Variants in RTKN observed in about 807,000 individuals in gnomAD.
RTKN encodes rhotekin.
RTKN carries 49 observed loss-of-function variants against 63.5 expected under a neutral mutation model. The observed-to-expected ratio is 0.77, with a 90% CI of 0.61 to 0.98. RTKN has a LOEUF of 0.98. Among genes scored for constraint, RTKN ranks in the 50% least tolerant of loss-of-function variants. The probability of loss-of-function intolerance (pLI) is 0.00; values close to 1 mark genes in which losing one functional copy is unlikely to be tolerated. For synonymous variants in RTKN, 295 were observed against 290.4 expected (o/e 1.02, Z -0.16); for missense variants, 685 against 740.8 (o/e 0.92, Z 0.87).
At chr2:74,439,655 A>G (rs368090853) in intron 1 of RTKN, 2 of 1,613,020 alleles carry the variant, frequency 1.2e-6, no homozygotes, top group Middle Eastern at 1.6e-4. Context: ...TCCCTTGTCA[A>G]CCCCTCCAGA....
chr2:74,426,507 C>T lies in RTKN; in HGVS notation c.1428G>A (p.Leu476=), dbSNP rs1174806621. ...DILTQREGAR[L]ETPPPWLAMF... The stretch of plus-strand genomic sequence containing the variant: ...TTGCCAGCCAGGGTGGGGGTGTCTC[C>T]AGCCTTGCGCCCTCCCGCTGGGTCA... The change falls in exon 12 of 12, where the codon CTG becomes CTA. Residue 476 remains leucine, a synonymous_variant. Transcript: ENST00000272430. 3 of 1,574,786 alleles carry T rather than the reference C, an allele frequency of 1.9e-6. No individual in the cohort carries two copies. The African/African-American group carries it at 4.1e-5, about 21-fold the overall frequency.
chr2:74,439,983 G>A, intron 1 of RTKN: 1 of 1,078,586 alleles, frequency 9.3e-7, no homozygotes, highest in Non-Finnish European at 1.1e-6. Flanking sequence ...CCCAGCTGTG[G>A]AAGAAAAAGG....
In RTKN at chr2:74,430,144, G is replaced by A. The variant is rs1045292644; in HGVS notation, c.546-107C>T. ...GACAGCTCCACAGAGAAGGCCAGGT[G>A]CCCCTCCTCTCCACCCTGCCCCCAT... is the stretch of plus-strand genomic sequence containing the variant. On this transcript the variant is annotated intron_variant, in intron 5 of 11. Coordinates refer to ENST00000272430, the MANE Select transcript of RTKN (RefSeq NM_001015055.2). The A allele has an allele frequency of 6.0e-6, 9 of 1,489,166 alleles. No individual in the cohort carries two copies. In the African/African-American group the frequency reaches 1.1e-4, roughly 18 times the overall value. The allele number at this position is 1,489,166 out of a possible 1,614,324, so 92.2% of individuals were successfully genotyped here.
At chr2:74,433,866 A>C (rs983488791) in intron 1 of RTKN, among the ~76,000 whole-genome samples, 1 of 152,166 alleles carries the variant, frequency 6.6e-6, no homozygotes, top group African/African-American at 2.4e-5. Flanking sequence ...GTAACAGTAC[A>C]TCTGTACCCT....
At chr2:74,431,259 C>G (rs979997171) in intron 2 of RTKN, among the ~76,000 whole-genome samples, 1 of 151,986 alleles carries the variant, frequency 6.6e-6, no homozygotes, top group Non-Finnish European at 1.5e-5. Context: ...TTGATTTCTC[C>G]TTTTTCCTCC....
In RTKN at chr2:74,436,333, C is replaced by G. The variant is rs1671060241; in HGVS notation, c.112-3667G>C. On this transcript the variant is annotated intron_variant, in intron 1 of 11. Transcript: ENST00000272430. The surrounding 1 kb of genome is among the most constrained non-coding windows in gnomAD (Gnocchi z 4.3). ...GGGCGCCAGCATAGCTGCACCGCCTCCAGCTGCAGCGCTCAGGACGCCGGT... is the reference window on the plus strand; with the variant it reads ...GGGCGCCAGCATAGCTGCACCGCCTGCAGCTGCAGCGCTCAGGACGCCGGT... 5.3e-5 allele frequency among the ~76,000 whole-genome samples: 8 copies of G among 152,378 alleles called. No homozygotes were observed. In the South Asian group the frequency reaches 1.7e-3, roughly 32 times the overall value.
rs765119162 is a variant in RTKN at position 74,432,512 on chromosome 2, A to G, written c.266T>C (p.Leu89Pro). ...CACCTGCGCCTCCTTGCGCCGCTGCAGCTCGCCCATGTAGCTGAGGATGCG... is the reference window on the plus strand; with the variant it reads ...CACCTGCGCCTCCTTGCGCCGCTGCGGCTCGCCCATGTAGCTGAGGATGCG... ...NSRILSYMGE[L>P]QRRKEAQVLG... is the part of the protein sequence containing the mutation. The change falls in exon 2 of 12, where the codon CTG becomes CCG. Residue 89 changes from leucine to proline, a missense_variant. Coordinates refer to ENST00000272430, the MANE Select transcript of RTKN (RefSeq NM_001015055.2). The G allele has an allele frequency of 6.2e-7, 1 of 1,613,496 alleles. No individual in the cohort carries two copies. The highest frequency in any genetic ancestry group is 8.5e-7 in the Non-Finnish European group (1 of 1,180,014).
intron 1 of RTKN, among the ~76,000 whole-genome samples, chr2:74,433,205 T>C (rs1276493555): frequency 6.8e-6 from 1 of 147,004 alleles, no homozygotes; most frequent in Non-Finnish European, 1.5e-5. Flanking sequence ...ACTGCACCAC[T>C]GCACCCCAGC....
chr2:74,441,623 C>T, intron 1 of RTKN, 83 bp downstream of exon 1: 3 of 980,784 alleles, frequency 3.1e-6, no homozygotes, highest in Non-Finnish European at 3.1e-6. Context: ...TCGGCGTGCA[C>T]GCGGGCGAGG....
chr2:74,438,105 T>C (rs1671155120), intron 1 of RTKN, among the ~76,000 whole-genome samples: 1 of 152,172 alleles, frequency 6.6e-6, no homozygotes, highest in Non-Finnish European at 1.5e-5. Context: ...ATTCCTGATC[T>C]AGACTCTTTG....
chr2:74,439,443 T>A, intron 1 of RTKN: 1 of 1,278,056 alleles, frequency 7.8e-7, no homozygotes, highest in South Asian at 1.3e-5. Flanking sequence ...CTTCCCACTT[T>A]AAGCAGGCCT....
chr2:74,433,444 C>T (rs1027888204), intron 1 of RTKN, among the ~76,000 whole-genome samples: 37 of 151,720 alleles, frequency 2.4e-4, no homozygotes. Flanking sequence ...CATATAATTT[C>T]ACATATATCT....
Position 74,432,499 on chromosome 2 carries a change from C to T in RTKN, c.279G>A (p.Lys93=), listed in dbSNP as rs1246777982. 1 of 1,612,410 alleles carries T rather than the reference C, an allele frequency of 6.2e-7. No homozygotes were observed. Among genetic ancestry groups the T allele is most frequent in the Non-Finnish European group, 8.5e-7 (1 of 1,180,024 alleles). ...LSYMGELQRR[K]EAQVLGKTSR... ...TTGTCTTCCCCAGCACCTGCGCCTCCTTGCGCCGCTGCAGCTCGCCCATGT... is the reference window on the plus strand; with the variant it reads ...TTGTCTTCCCCAGCACCTGCGCCTCTTTGCGCCGCTGCAGCTCGCCCATGT... The change falls in exon 2 of 12, where the codon AAG becomes AAA. Residue 93 remains lysine, a synonymous_variant. Transcript: ENST00000272430.
intron 1 of RTKN, among the ~76,000 whole-genome samples, chr2:74,435,853 T>C (rs1671025152): frequency 6.6e-6 from 1 of 152,210 alleles, no homozygotes; most frequent in Non-Finnish European, 1.5e-5. Context: ...TAAAAAGCCT[T>C]GTCCTGCCTG....
chr2:74,427,343 A>C (rs1670455268), intron 10 of RTKN, 70 bp from the exon 11 acceptor site: 4 of 1,607,614 alleles, frequency 2.5e-6, no homozygotes, highest in Non-Finnish European at 3.4e-6. Context: ...CCTTCCACAT[A>C]ATCTTGAAAC....
At position 74,428,695 on chromosome 2, in the gene RTKN, C is replaced by T; in HGVS notation, c.893G>A (p.Cys298Tyr). ...GCAGAGAGGCTGAGCTGCCAGACGG[C>T]AACACACGCTACCATAAAGGGGCAG... ...AWLPLYGSVC[C>Y]RLAAQPLCMT... The change falls in exon 8 of 12, where the codon TGC (cysteine) becomes TAC (tyrosine). Residue 298 changes from cysteine to tyrosine, a missense_variant. Coordinates refer to ENST00000272430, the MANE Select transcript of RTKN (RefSeq NM_001015055.2). The T allele has an allele frequency of 6.2e-7, 1 of 1,614,064 alleles. No homozygotes were observed. Among genetic ancestry groups the T allele is most frequent in the African/African-American group, 1.3e-5 (1 of 75,036 alleles).
intron 1 of RTKN, among the ~76,000 whole-genome samples, chr2:74,435,101 G>A (rs1670982191): frequency 1.3e-5 from 2 of 152,178 alleles, no homozygotes; most frequent in Admixed American, 6.5e-5. Context: ...CTGAGCTTGG[G>A]AGATGAGGTC....
chr2:74,428,858 A>C lies in RTKN; in HGVS notation c.840T>G (p.Leu280=). ...CACACACATACTTACCATGACTGGCAAGGGTGAGGTCATGTGTGCGGAATC... is the reference window on the plus strand; with the variant it reads ...CACACACATACTTACCATGACTGGCCAGGGTGAGGTCATGTGTGCGGAATC... ...QDGFRTHDLT[L]ASHEENPAWL... is the part of the protein sequence containing the mutation. Residue 280 remains leucine, a synonymous_variant, in exon 7 of 12, where the codon CTT becomes CTG. Coordinates refer to ENST00000272430, the MANE Select transcript of RTKN (RefSeq NM_001015055.2). 1 of 1,613,896 alleles carries C rather than the reference A, an allele frequency of 6.2e-7. No homozygotes were observed. Among genetic ancestry groups the C allele is most frequent in the Non-Finnish European group, 8.5e-7 (1 of 1,179,800 alleles).
Position 74,436,440 on chromosome 2 carries a change from G to A in RTKN, c.112-3774C>T, listed in dbSNP as rs1671065848. Among the ~76,000 whole-genome samples, 3 of 151,876 alleles carry A rather than the reference G, an allele frequency of 2.0e-5. No homozygotes were observed. In the South Asian group the frequency reaches 6.2e-4, roughly 32 times the overall value. ...CCCTCCGGGCACCTGGCTGGGCTTG[G>A]CTCAAGGCGGTGCCTCCACCGAGAC... On this transcript the variant is annotated intron_variant, in intron 1 of 11. Coordinates refer to ENST00000272430, the MANE Select transcript of RTKN (RefSeq NM_001015055.2). This position sits in a 1 kb window ranked among gnomAD's most constrained non-coding sequence, Gnocchi z 4.3.
Sources: allele counts gnomAD v4.1 joint callset (sites outside exome capture counted in the v4.1 genomes callset), GRCh38; gene constraint gnomAD v4.1.1; non-coding constraint Gnocchi (gnomAD v3.1); transcripts MANE v1.5; gene names NCBI Gene and HGNC (gene_info 2026-07-23, HGNC 2026-07-21).